BRAF: variants seen among roughly 807,000 people sequenced by gnomAD.
BRAF encodes serine/threonine-protein kinase B-raf.
In BRAF, 16 loss-of-function variants were observed where a neutral mutation model predicts 104.6. The ratio of observed to expected loss-of-function variants is 0.15; its 90% CI spans 0.10 to 0.23. The LOEUF (loss-of-function observed/expected upper bound fraction) is 0.23. BRAF is among the 10% of genes least tolerant of loss of function. The probability of loss-of-function intolerance (pLI) is 1.00; values close to 1 mark genes in which losing one functional copy is unlikely to be tolerated. For synonymous variants in BRAF, 310 were observed against 341.6 expected (o/e 0.91, Z 1.02); for missense variants, 541 against 937.3 (o/e 0.58, Z 5.52).
chr7:140,875,108 G>A (rs1030727089), intron 1 of BRAF, among the ~76,000 whole-genome samples: 1 of 152,138 alleles, frequency 6.6e-6, no homozygotes, highest in South Asian at 2.1e-4. Flanking sequence ...CTAGTCTCAG[G>A]CATTTCTTTA....
At chr7:140,826,821 C>T (rs550798112) in intron 3 of BRAF, among the ~76,000 whole-genome samples, 6 of 152,272 alleles carry the variant, frequency 3.9e-5, no homozygotes, top group Admixed American at 2.6e-4. Flanking sequence ...CATTTAAGAA[C>T]GTTAATTCCA....
At chr7:140,745,537 C>A (rs546850843) in intron 17 of BRAF, among the ~76,000 whole-genome samples, 1 of 152,144 alleles carries the variant, frequency 6.6e-6, no homozygotes, top group South Asian at 2.1e-4. Context: ...ACATACACAA[C>A]GAAACCAATA....
chr7:140,780,455 TG>T (rs1334067754), intron 12 of BRAF: 1 of 152,168 alleles, frequency 6.6e-6, no homozygotes, highest in African/African-American at 2.4e-5. Flanking sequence ...TTGGCCAAGC[TG>T]GTCTCGAACT....
At chr7:140,810,443 G>A (rs1442135757) in intron 3 of BRAF, among the ~76,000 whole-genome samples, 4 of 152,020 alleles carry the variant, frequency 2.6e-5, no homozygotes, top group African/African-American at 7.2e-5. Flanking sequence ...AGCGGCGGGC[G>A]CCTATAATCC....
At chr7:140,865,298 T>C (rs891512473) in intron 1 of BRAF, among the ~76,000 whole-genome samples, 1 of 152,182 alleles carries the variant, frequency 6.6e-6, no homozygotes, top group African/African-American at 2.4e-5. Flanking sequence ...CAGCCTGGTC[T>C]TGAACTCCTG....
intron 1 of BRAF, among the ~76,000 whole-genome samples, chr7:140,905,410 G>T (rs1479844538): frequency 6.6e-6 from 1 of 152,134 alleles, no homozygotes; most frequent in East Asian, 1.9e-4. Flanking sequence ...TGCCAATAAT[G>T]CTTTCTGCCT....
rs150483150 is a variant in BRAF, at chr7:140,874,821, T to C, written c.139-24609A>G. ...GGAGGTGGGGCCTGATGGGAGAAAA[T>C]TGGATCATGGAAGCGGTTTCCCATG... On this transcript the variant is annotated intron_variant, in intron 1 of 19. Transcript: ENST00000644969. Among the ~76,000 whole-genome samples the C allele has an allele frequency of 3.3e-4, 50 of 152,114 alleles. No individual in the cohort carries two copies. The East Asian group carries it at 7.1e-3, about 22-fold the overall frequency.
chr7:140,908,437 G>T (rs964825426), intron 1 of BRAF, among the ~76,000 whole-genome samples: 1 of 151,798 alleles, frequency 6.6e-6, no homozygotes, highest in African/African-American at 2.4e-5. Context: ...AGAATGAAAG[G>T]CCTTTCTCCA....
intron 1 of BRAF, among the ~76,000 whole-genome samples, chr7:140,857,073 T>C (rs1215650824): frequency 1.3e-5 from 2 of 152,114 alleles, no homozygotes; most frequent in African/African-American, 4.8e-5. Context: ...AAAAGGAACT[T>C]TGCAGATGTG....
At chr7:140,895,339 C>T (rs1234103516) in intron 1 of BRAF, among the ~76,000 whole-genome samples, 1 of 152,194 alleles carries the variant, frequency 6.6e-6, no homozygotes, top group East Asian at 1.9e-4. Context: ...TCTTAAACTT[C>T]ATATAGGGTA....
intron 8 of BRAF, among the ~76,000 whole-genome samples, chr7:140,788,609 G>A (rs1801630508): frequency 6.6e-6 from 1 of 151,672 alleles, no homozygotes; most frequent in Admixed American, 6.6e-5. Flanking sequence ...CCTTTTTTTT[G>A]AGACTCAGTT....
chr7:140,807,637 A>G (rs1803799756), intron 5 of BRAF, among the ~76,000 whole-genome samples: 1 of 152,166 alleles, frequency 6.6e-6, no homozygotes, highest in East Asian at 1.9e-4. Context: ...AGTTTGGAAG[A>G]CAGAACAATA....
intron 2 of BRAF, among the ~76,000 whole-genome samples, chr7:140,849,699 C>A (rs1023187938): frequency 4.8e-4 from 73 of 152,130 alleles, no homozygotes; most frequent in African/African-American, 1.7e-3. Context: ...GTAGTCCCAG[C>A]TGCTCAGGAG....
intron 1 of BRAF, among the ~76,000 whole-genome samples, chr7:140,922,397 C>T (rs1425476809): frequency 6.6e-6 from 1 of 152,156 alleles, no homozygotes; most frequent in African/African-American, 2.4e-5. Context: ...GGGTACAGTT[C>T]CAAACAATCT....
chr7:140,758,826 T>A (rs990967454), intron 14 of BRAF, among the ~76,000 whole-genome samples: 1 of 152,228 alleles, frequency 6.6e-6, no homozygotes, highest in African/African-American at 2.4e-5. Flanking sequence ...TGGACAGTTT[T>A]AAAAGTTTCA....
chr7:140,830,087 T>C (rs1251557589), intron 3 of BRAF, among the ~76,000 whole-genome samples: 1 of 152,232 alleles, frequency 6.6e-6, no homozygotes, highest in African/African-American at 2.4e-5. Flanking sequence ...AATCATACTT[T>C]CAATTTGCAC....
At chr7:140,772,597 C>T (rs1400320410) in intron 14 of BRAF, among the ~76,000 whole-genome samples, 1 of 151,908 alleles carries the variant, frequency 6.6e-6, no homozygotes, top group Non-Finnish European at 1.5e-5. Context: ...GCCTGTCCAG[C>T]CTGGGTGACA....
intron 3 of BRAF, among the ~76,000 whole-genome samples, chr7:140,826,504 T>A (rs372663225): frequency 1.1e-4 from 17 of 152,204 alleles, no homozygotes; most frequent in Non-Finnish European, 2.5e-4. Context: ...TGAAGTTAAG[T>A]TTCCAAGTAA....
intron 3 of BRAF, among the ~76,000 whole-genome samples, chr7:140,828,175 G>T (rs780435787): frequency 4.6e-5 from 7 of 152,092 alleles, no homozygotes; most frequent in Non-Finnish European, 7.4e-5. Flanking sequence ...TTACAGGCAT[G>T]AGCTACCGTA....
Sources: gnomAD v4.1 joint callset for allele counts (sites outside exome capture counted in the v4.1 genomes callset) on GRCh38, gnomAD v4.1.1 for gene constraint, MANE v1.5 for transcripts, NCBI Gene and HGNC (gene_info 2026-07-23, HGNC 2026-07-21) for gene names.